The following GAS7 variants were observed in gnomAD, a reference collection of about 807,000 sequenced individuals.
GAS7 encodes the protein growth arrest-specific protein 7.
In GAS7, 28 loss-of-function variants were observed where a neutral mutation model predicts 71.1. The ratio of observed to expected loss-of-function variants is 0.39; its 90% CI spans 0.29 to 0.54. The LOEUF is 0.54. Ranked by LOEUF, GAS7 falls within the 20% of genes least tolerant of loss-of-function variation. The probability of loss-of-function intolerance (pLI) is 0.62; values close to 1 mark genes in which losing one functional copy is unlikely to be tolerated. For synonymous variants in GAS7, 258 were observed against 245.8 expected, an observed-to-expected ratio of 1.05 and a Z score of -0.46; for missense variants, 436 against 627.8, an observed-to-expected ratio of 0.69 and a Z score of 3.27.
chr17:10,143,470 A>G (rs1009629539), intron 1 of GAS7, among the ~76,000 whole-genome samples: 1 of 151,538 alleles, frequency 6.6e-6, no homozygotes. Flanking sequence ...TGAACCCAGG[A>G]GGCAGAGGTT....
At chr17:10,029,163 A>G (rs1355251905) in intron 1 of GAS7, among the ~76,000 whole-genome samples, 1 of 152,254 alleles carries the variant, frequency 6.6e-6, no homozygotes, top group Non-Finnish European at 1.5e-5. Context: ...AAGAATAAAA[A>G]GAAGGCTGGT....
chr17:9,938,312 G>C (rs1398586326), intron 8 of GAS7, among the ~76,000 whole-genome samples: 1 of 151,784 alleles, frequency 6.6e-6, no homozygotes, highest in African/African-American at 2.4e-5. Flanking sequence ...TTCTAGACCA[G>C]CCTGACCAAC....
At chr17:10,195,680 C>G (rs1271032385) in intron 1 of GAS7, among the ~76,000 whole-genome samples, 11 of 152,136 alleles carry the variant, frequency 7.2e-5, no homozygotes, top group Admixed American at 7.2e-4. Context: ...TATCTATGGG[C>G]CCCCTCTCTA....
chr17:10,146,233 C>G (rs1036464161), intron 1 of GAS7, among the ~76,000 whole-genome samples: 3 of 152,084 alleles, frequency 2.0e-5, no homozygotes, highest in African/African-American at 7.2e-5. Context: ...AAATTGAAGG[C>G]GCAGATAAGA....
chr17:10,132,549 T>C (rs544400035), intron 1 of GAS7, among the ~76,000 whole-genome samples: 1 of 152,306 alleles, frequency 6.6e-6, no homozygotes, highest in African/African-American at 2.4e-5. Flanking sequence ...GTGGATCACT[T>C]GAGGCCAGGA....
chr17:9,924,651 CTT>C (rs1285938724), intron 11 of GAS7: 2 of 151,314 alleles, frequency 1.3e-5, no homozygotes, highest in Non-Finnish European at 1.5e-5. Flanking sequence ...TTTTTATTGA[CTT>C]ATTTCTATCT....
chr17:10,089,557 T>C (rs1013098253), intron 1 of GAS7, among the ~76,000 whole-genome samples: 7 of 152,088 alleles, frequency 4.6e-5, no homozygotes, highest in African/African-American at 1.4e-4. Flanking sequence ...ATGAGTTTCA[T>C]AGTGCTGTTT....
rs550545640 is a variant in GAS7 at position 10,113,750 on chromosome 17, C to T, written c.183+84458G>A. On this transcript the variant is annotated intron_variant, in intron 1 of 13. Transcript: ENST00000432992. The stretch of plus-strand genomic sequence containing the variant: ...AGAAACTGATCACTTGTTTGCCACT[C>T]GGGAAGGGAACTGATAGGTTGAGGA... 9.2e-5 allele frequency among the ~76,000 whole-genome samples: 14 copies of T among 152,252 alleles called. No homozygotes were observed. The Middle Eastern group carries it at 0.01, about 111-fold the overall frequency.
chr17:9,927,493 A>C lies in GAS7; in HGVS notation c.886-724T>G, dbSNP rs60166724. Among the ~76,000 whole-genome samples, 601 of 151,384 alleles carry C rather than the reference A, an allele frequency of 4.0e-3. 4 individuals are homozygous for C. The highest frequency in any genetic ancestry group is 0.014 in the African/African-American group (574 of 41,332). ...AGACTTGGTCTCAAAAAAAAAAAAC[A>C]AAACAAACAAACAAAAAACAATAAT... On this transcript the variant is annotated intron_variant, in intron 9 of 13. Transcript: ENST00000432992.
intron 1 of GAS7, among the ~76,000 whole-genome samples, chr17:10,148,528 G>C (rs1402219498): frequency 6.6e-6 from 1 of 150,666 alleles, no homozygotes; most frequent in African/African-American, 2.4e-5. Context: ...TGAGACAGGA[G>C]AATTACTCGA....
At chr17:10,102,285 C>G (rs116771511) in intron 1 of GAS7, among the ~76,000 whole-genome samples, 1 of 148,580 alleles carries the variant, frequency 6.7e-6, no homozygotes, top group African/African-American at 2.5e-5. Flanking sequence ...CAGAGGGGAG[C>G]ACAAGGTGAC....
At chr17:9,921,492 C>G (rs2067808916) in intron 11 of GAS7, among the ~76,000 whole-genome samples, 1 of 152,206 alleles carries the variant, frequency 6.6e-6, no homozygotes, top group Non-Finnish European at 1.5e-5. Flanking sequence ...CACTGTGAAA[C>G]TCCCTGAGCC....
chr17:10,044,639 T>C (rs754957409), intron 1 of GAS7, among the ~76,000 whole-genome samples: 1 of 152,246 alleles, frequency 6.6e-6, no homozygotes, highest in African/African-American at 2.4e-5. Flanking sequence ...AGGTAGTCTG[T>C]CTTCAATTTT....
At chr17:9,949,162 GCGTC>G (rs1284335562) in intron 5 of GAS7, among the ~76,000 whole-genome samples, 2 of 147,670 alleles carry the variant, frequency 1.4e-5, no homozygotes, top group African/African-American at 5.4e-5. Context: ...CTGCAGAGAT[GCGTC>G]CAAGGGGCAG....
chr17:10,072,807 C>A (rs1484695054), intron 1 of GAS7, among the ~76,000 whole-genome samples: 1 of 152,014 alleles, frequency 6.6e-6, no homozygotes, highest in African/African-American at 2.4e-5. Flanking sequence ...GTCTGTCTGG[C>A]CCCAGGATTG....
chr17:9,997,869 T>G (rs2071109076), intron 2 of GAS7, among the ~76,000 whole-genome samples: 1 of 152,240 alleles, frequency 6.6e-6, no homozygotes, highest in South Asian at 2.1e-4. Context: ...AAGAGGCAGA[T>G]GGAAGAGATG....
chr17:9,995,078 C>T (rs146725619), intron 2 of GAS7, among the ~76,000 whole-genome samples: 368 of 152,340 alleles, frequency 2.4e-3, no homozygotes, highest in Middle Eastern at 6.8e-3. Flanking sequence ...TGGGGAGCAG[C>T]AGGGGGGCTC....
At chr17:10,100,154 T>C (rs2073684759) in intron 1 of GAS7, among the ~76,000 whole-genome samples, 1 of 152,198 alleles carries the variant, frequency 6.6e-6, no homozygotes, top group African/African-American at 2.4e-5. Context: ...ATAATTGAAC[T>C]GAACAATTGA....
At chr17:10,040,279 C>T (rs527899133) in intron 1 of GAS7, among the ~76,000 whole-genome samples, 53 of 152,192 alleles carry the variant, frequency 3.5e-4, no homozygotes, top group African/African-American at 1.1e-3. Context: ...AGAGAGAAAC[C>T]GTGTGGGTAG....
Sources: gnomAD v4.1 joint callset for allele counts (sites outside exome capture counted in the v4.1 genomes callset) on GRCh38, gnomAD v4.1.1 for gene constraint, MANE v1.5 for transcripts, NCBI Gene and HGNC (gene_info 2026-07-23, HGNC 2026-07-21) for gene names.